The following PAPPA variants were observed in gnomAD, a reference collection of about 807,000 sequenced individuals.
PAPPA encodes the protein pappalysin-1.
In PAPPA, 60 loss-of-function variants were observed where a neutral mutation model predicts 164.0. The observed-to-expected ratio is 0.37, with a 90% CI of 0.30 to 0.45. The LOEUF (loss-of-function observed/expected upper bound fraction) is 0.45, where lower values mean the gene tolerates loss of function less well. PAPPA is among the 20% of genes least tolerant of loss of function. PAPPA has a pLI of 1.00. For synonymous variants in PAPPA, 875 were observed against 814.1 expected (o/e 1.07, Z -1.27); for missense variants, 1,782 against 2,087.3 (o/e 0.85, Z 2.85).
At chr9:116,250,039 GT>G (rs1844841994) in intron 7 of PAPPA, among the ~76,000 whole-genome samples, 2 of 148,870 alleles carry the variant, frequency 1.3e-5, no homozygotes, top group Middle Eastern at 3.5e-3. Context: ...GTGTGTGTGT[GT>G]GTGTGTGTGT....
chr9:116,211,016 C>T (rs1004733036), intron 3 of PAPPA, among the ~76,000 whole-genome samples: 9 of 152,234 alleles, frequency 5.9e-5, no homozygotes, highest in African/African-American at 2.2e-4. Context: ...AATCATAGAA[C>T]GTTGATTAAG....
chr9:116,245,730 G>A (rs993031526), intron 7 of PAPPA, among the ~76,000 whole-genome samples: 3 of 152,150 alleles, frequency 2.0e-5, no homozygotes, highest in Admixed American at 2.0e-4. Flanking sequence ...CAAGAGTTCA[G>A]TCTTAGACAT....
intron 8 of PAPPA, among the ~76,000 whole-genome samples, chr9:116,269,923 A>G (rs747236407): frequency 7.9e-5 from 12 of 152,188 alleles, no homozygotes; most frequent in African/African-American, 1.4e-4. Flanking sequence ...ACAGGAGAGG[A>G]CTTGGGTGGC....
At chr9:116,203,825 G>T (rs1326679099) in intron 2 of PAPPA, among the ~76,000 whole-genome samples, 2 of 152,078 alleles carry the variant, frequency 1.3e-5, no homozygotes, top group African/African-American at 4.8e-5. Flanking sequence ...GATTTAAAGG[G>T]CCAATCATCA....
intron 5 of PAPPA, among the ~76,000 whole-genome samples, chr9:116,225,293 C>A (rs973146601): frequency 2.0e-5 from 3 of 152,336 alleles, no homozygotes; most frequent in African/African-American, 7.2e-5. Context: ...GGAAGCCTTT[C>A]TCTCCACTCC....
rs1843584087 is a variant in PAPPA at position 116,154,973 on chromosome 9, G to C, written c.415+386G>C. Among the ~76,000 whole-genome samples, 1 of 152,184 alleles carries C rather than the reference G, an allele frequency of 6.6e-6. No individual in the cohort carries two copies. Among genetic ancestry groups the C allele is most frequent in the South Asian group, 2.1e-4 (1 of 4,832 alleles). On this transcript the variant is annotated intron_variant, in intron 1 of 21. Transcript: ENST00000328252. The surrounding 1 kb of genome is among the most constrained non-coding windows in gnomAD (Gnocchi z 5.2). ...TGAGATGCATGTGAAAGGAGACTTGGGGACCGTTGATTTCTTTGACGTTTT... is the reference window on the plus strand; with the variant it reads ...TGAGATGCATGTGAAAGGAGACTTGCGGACCGTTGATTTCTTTGACGTTTT...
intron 1 of PAPPA, among the ~76,000 whole-genome samples, chr9:116,170,515 A>T (rs920305727): frequency 5.3e-5 from 8 of 152,104 alleles, no homozygotes; most frequent in Non-Finnish European, 2.9e-5. Context: ...CCATGAAGCC[A>T]CAAATCCAGC....
chr9:116,395,671 A>T (rs901161680), intron 21 of PAPPA, among the ~76,000 whole-genome samples: 1 of 152,242 alleles, frequency 6.6e-6, no homozygotes, highest in Admixed American at 6.5e-5. Context: ...CACAGAGCAC[A>T]TGAAGGAACG....
chr9:116,384,127 GAC>G (rs1846770770), intron 21 of PAPPA, among the ~76,000 whole-genome samples: 1 of 151,912 alleles, frequency 6.6e-6, no homozygotes. Context: ...GGAAATCTTA[GAC>G]ACAAGAATTA....
chr9:116,388,921 C>A (rs888306043), intron 21 of PAPPA, among the ~76,000 whole-genome samples: 2 of 152,152 alleles, frequency 1.3e-5, no homozygotes, highest in African/African-American at 4.8e-5. Context: ...TAAGAAAAGA[C>A]ATTATACCCA....
At chr9:116,382,593 TC>T (rs1206405895) in intron 21 of PAPPA, 100 bp downstream of exon 21, 21 of 789,258 alleles carry the variant, frequency 2.7e-5, no homozygotes, top group Non-Finnish European at 4.9e-5. Context: ...TTGTCCTAAC[TC>T]TGCCAGCACT....
At chr9:116,321,704 C>T (rs572479763) in intron 10 of PAPPA, among the ~76,000 whole-genome samples, 6 of 152,246 alleles carry the variant, frequency 3.9e-5, no homozygotes, top group East Asian at 1.9e-4. Context: ...AGATCTAATG[C>T]GTCACCAATC....
intron 10 of PAPPA, among the ~76,000 whole-genome samples, chr9:116,314,121 G>A (rs1266330998): frequency 7.3e-6 from 1 of 137,922 alleles, no homozygotes; most frequent in Admixed American, 7.7e-5. Context: ...CGCCAGGCTG[G>A]AGTATAGTGG....
At chr9:116,163,775 C>CT (rs1409235200) in intron 1 of PAPPA, among the ~76,000 whole-genome samples, 1 of 152,102 alleles carries the variant, frequency 6.6e-6, no homozygotes, top group Non-Finnish European at 1.5e-5. Flanking sequence ...GATGGTACAC[C>CT]TTCTTGCTAA....
intron 21 of PAPPA, 121 bp downstream of exon 21, chr9:116,382,614 CTTTA>C (rs1276394093): frequency 4.7e-6 from 3 of 637,944 alleles, no homozygotes; most frequent in African/African-American, 1.8e-5. Context: ...TGTCCACACG[CTTTA>C]TTTCTTTTTT....
At chr9:116,305,983 T>A (rs534083087) in intron 10 of PAPPA, among the ~76,000 whole-genome samples, 1 of 152,274 alleles carries the variant, frequency 6.6e-6, no homozygotes, top group South Asian at 2.1e-4. Context: ...CCTGACAAGG[T>A]GGCCCTGTTC....
chr9:116,188,098 A>G lies in PAPPA; in HGVS notation c.1360A>G (p.Asn454Asp). 7 of 1,614,220 alleles carry G rather than the reference A, an allele frequency of 4.3e-6. No homozygotes were observed. Among genetic ancestry groups the G allele is most frequent in the African/African-American group, 1.3e-5 (1 of 75,062 alleles). Reference sequence around the variant, plus strand: ...CCCTGCCTTCGTGAAGAAGCAGCACAACGGGGTGTGTGACATGGACTGCAA... The same window carrying G: ...CCCTGCCTTCGTGAAGAAGCAGCACGACGGGGTGTGTGACATGGACTGCAA... ...RHPAFVKKQH[N>D]GVCDMDCNYE... Residue 454 changes from asparagine to aspartate, a missense_variant, in exon 2 of 22, where the codon AAC becomes GAC. By Grantham distance (23) the Asn-to-Asp change is conservative (BLOSUM62 1). This residue lies in a region of PAPPA where 1,324 missense variants were observed against 1,656.9 expected (regional missense o/e 0.80). Coordinates refer to ENST00000328252, the MANE Select transcript of PAPPA (RefSeq NM_002581.5).
intron 6 of PAPPA, among the ~76,000 whole-genome samples, chr9:116,230,027 T>C (rs1844570029): frequency 6.6e-6 from 1 of 152,220 alleles, no homozygotes; most frequent in Non-Finnish European, 1.5e-5. Flanking sequence ...AGTTTGTTCC[T>C]GACCTTCTTA....
intron 19 of PAPPA, among the ~76,000 whole-genome samples, chr9:116,370,861 G>A (rs939227143): frequency 1.3e-5 from 2 of 152,206 alleles, no homozygotes; most frequent in Admixed American, 6.5e-5. Context: ...AGTTACCATA[G>A]TACCTCCCTT....
Sources: allele counts gnomAD v4.1 joint callset (sites outside exome capture counted in the v4.1 genomes callset), GRCh38; gene constraint gnomAD v4.1.1; regional missense constraint gnomAD v4.1.1; non-coding constraint Gnocchi (gnomAD v3.1); transcripts MANE v1.5; gene names NCBI Gene and HGNC (gene_info 2026-07-23, HGNC 2026-07-21).